B4GALT6: variants seen among roughly 807,000 people sequenced by gnomAD.
B4GALT6 encodes the protein beta-1,4-galactosyltransferase 6, also known as UDP-Gal:beta-GlcNAc beta-1,4-galactosyltransferase 6.
A neutral mutation model predicts 46.3 loss-of-function variants in B4GALT6; 14 were observed. That is an observed-to-expected ratio of 0.30 (90% CI 0.20 to 0.47). The LOEUF is 0.47. B4GALT6 is among the 20% of genes least tolerant of loss of function. The pLI is 0.99. For missense variants in B4GALT6, 386 were observed against 480.1 expected, an observed-to-expected ratio of 0.80 and a Z score of 1.83; for synonymous variants, 168 against 162.0, an observed-to-expected ratio of 1.04 and a Z score of -0.28.
the B4GALT6 span, among the ~76,000 whole-genome samples, chr18:31,697,902 T>G: frequency 4.3e-3 from 654 of 152,236 alleles, 4 homozygotes; most frequent in African/African-American, 0.015. Flanking sequence ...ACTATTACAG[T>G]TTTTTTTCTG....
intron 1 of B4GALT6, among the ~76,000 whole-genome samples, chr18:31,670,397 T>C (rs1034782762): frequency 6.8e-6 from 1 of 147,696 alleles, no homozygotes; most frequent in African/African-American, 2.5e-5. Flanking sequence ...AGGTGAATTA[T>C]TTACCAAAAG....
chr18:31,709,553 A>ATG, the B4GALT6 span, among the ~76,000 whole-genome samples: 3,788 of 126,634 alleles, frequency 0.03, 73 homozygotes, highest in Middle Eastern at 0.063. Context: ...TAGGATATAT[A>ATG]TGTGTGTGTG....
chr18:31,683,483 C>T (rs1010612968), intron 1 of B4GALT6, among the ~76,000 whole-genome samples: 1 of 152,124 alleles, frequency 6.6e-6, no homozygotes, highest in Non-Finnish European at 1.5e-5. Context: ...GTTCATAATT[C>T]TCATTCACTA....
upstream of B4GALT6, among the ~76,000 whole-genome samples, chr18:31,687,728 C>T (rs2029974929): frequency 6.6e-6 from 1 of 151,848 alleles, no homozygotes; most frequent in African/African-American, 2.4e-5. Flanking sequence ...ATTTTCTGTC[C>T]ACTAGGGACA....
At chr18:31,712,749 G>A in the B4GALT6 span, among the ~76,000 whole-genome samples, 1 of 152,094 alleles carries the variant, frequency 6.6e-6, no homozygotes, top group Non-Finnish European at 1.5e-5. Context: ...GGCTTTTGGT[G>A]GTGTTATGCT....
intron 1 of B4GALT6, among the ~76,000 whole-genome samples, chr18:31,679,112 G>T (rs1357822446): frequency 6.6e-6 from 1 of 152,126 alleles, no homozygotes; most frequent in Admixed American, 6.5e-5. Flanking sequence ...CACAGACATG[G>T]CTATTTTTAT....
upstream of B4GALT6, among the ~76,000 whole-genome samples, chr18:31,685,481 T>A (rs1016967834): frequency 6.6e-6 from 1 of 150,752 alleles, no homozygotes; most frequent in African/African-American, 2.4e-5. Flanking sequence ...CAGGCGGCGC[T>A]GCGCCGGGCC....
intron 4 of B4GALT6, among the ~76,000 whole-genome samples, chr18:31,644,050 G>A (rs1318692912): frequency 2.0e-5 from 3 of 152,196 alleles, no homozygotes; most frequent in African/African-American, 7.2e-5. Context: ...AGCTACAAAT[G>A]TGAGGAAAAT....
At chr18:31,675,552 T>C (rs1386352675) in intron 1 of B4GALT6, among the ~76,000 whole-genome samples, 1 of 152,246 alleles carries the variant, frequency 6.6e-6, no homozygotes, top group African/African-American at 2.4e-5. Flanking sequence ...CCTTGTCATC[T>C]GCTAATGCAC....
chr18:31,648,222 C>A (rs911896813), intron 3 of B4GALT6, among the ~76,000 whole-genome samples: 1 of 152,112 alleles, frequency 6.6e-6, no homozygotes, highest in African/African-American at 2.4e-5. Flanking sequence ...TAGTATAAAT[C>A]TAAGATTTTT....
At position 31,624,946 on chromosome 18, in the gene B4GALT6, G is replaced by A. The variant is rs955417389; in HGVS notation, c.*668C>T. Reference sequence around the variant, plus strand: ...GAGATTGCAAGCAAGGAAAAACATAGGTAATCCCGGTAGGAAGAAAAGCTA... The same window carrying A: ...GAGATTGCAAGCAAGGAAAAACATAAGTAATCCCGGTAGGAAGAAAAGCTA... On this transcript the variant is annotated 3_prime_UTR_variant, in exon 9 of 9. Coordinates refer to ENST00000306851, the MANE Select transcript of B4GALT6 (RefSeq NM_004775.5). The A allele has an allele frequency of 6.5e-6, 1 of 152,704 alleles. No individual in the cohort carries two copies. Among genetic ancestry groups the A allele is most frequent in the African/African-American group, 2.4e-5 (1 of 41,546 alleles). The allele number at this position is 152,704 out of a possible 1,614,324, so 9.5% of individuals were successfully genotyped here.
intron 2 of B4GALT6, 81 bp from the exon 3 acceptor site, chr18:31,658,170 T>C: frequency 1.0e-6 from 1 of 1,000,078 alleles, no homozygotes; most frequent in Non-Finnish European, 1.5e-6. Flanking sequence ...TCACTATCAC[T>C]GGGAGAAAAC....
intron 1 of B4GALT6, among the ~76,000 whole-genome samples, chr18:31,683,336 C>A (rs952081056): frequency 6.6e-6 from 1 of 152,168 alleles, no homozygotes; most frequent in East Asian, 1.9e-4. Context: ...AGAGCACTGG[C>A]TCAAACGACC....
At chr18:31,671,649 T>C (rs2074358891) in intron 1 of B4GALT6, among the ~76,000 whole-genome samples, 1 of 152,252 alleles carries the variant, frequency 6.6e-6, no homozygotes, top group African/African-American at 2.4e-5. Context: ...CTTTGTCCGA[T>C]GGATAGATTG....
At chr18:31,641,663 G>C (rs150162898) in intron 4 of B4GALT6, among the ~76,000 whole-genome samples, 2 of 152,128 alleles carry the variant, frequency 1.3e-5, no homozygotes, top group Admixed American at 6.5e-5. Context: ...AGTGGAGACC[G>C]AGAATATCTG....
At chr18:31,638,975 G>A (rs951388966) in intron 4 of B4GALT6, among the ~76,000 whole-genome samples, 4 of 152,164 alleles carry the variant, frequency 2.6e-5, no homozygotes, top group East Asian at 1.9e-4. Context: ...GCTCTGAAGC[G>A]TTTTCTAAAG....
At chr18:31,702,934 G>T in the B4GALT6 span, among the ~76,000 whole-genome samples, 15 of 152,178 alleles carry the variant, frequency 9.9e-5, no homozygotes, top group Admixed American at 3.3e-4. Flanking sequence ...GACACACTTA[G>T]GTTCCCAAGA....
At chr18:31,706,074 C>A in the B4GALT6 span, among the ~76,000 whole-genome samples, 1 of 152,126 alleles carries the variant, frequency 6.6e-6, no homozygotes, top group African/African-American at 2.4e-5. Flanking sequence ...GATAACATGC[C>A]TAGAACATAG....
chr18:31,673,549 C>T (rs372677995), intron 1 of B4GALT6, among the ~76,000 whole-genome samples: 17 of 152,166 alleles, frequency 1.1e-4, no homozygotes, highest in African/African-American at 3.6e-4. Flanking sequence ...CTGCCGAAAT[C>T]GTCCAGGGAT....
Sources: gnomAD v4.1 joint callset for allele counts (sites outside exome capture counted in the v4.1 genomes callset) on GRCh38, gnomAD v4.1.1 for gene constraint, MANE v1.5 for transcripts, NCBI Gene and HGNC (gene_info 2026-07-23, HGNC 2026-07-21) for gene names.